Variants in AP5M1 observed in about 807,000 individuals in gnomAD.
AP5M1 encodes adaptor related protein complex 5 subunit mu 1.
A neutral mutation model predicts 52.3 loss-of-function variants in AP5M1; 44 were observed. That is an observed-to-expected ratio of 0.84 (90% CI 0.66 to 1.08). The LOEUF is 1.08. AP5M1 is among the 50% of genes least tolerant of loss of function. The pLI is 0.00. For missense variants in AP5M1, 526 were observed against 568.4 expected (o/e 0.93, Z 0.76); for synonymous variants, 213 against 199.0 (o/e 1.07, Z -0.59).
intron 6 of AP5M1, among the ~76,000 whole-genome samples, chr14:57,283,457 G>A (rs553915815): frequency 1.3e-5 from 2 of 152,124 alleles, no homozygotes; most frequent in South Asian, 2.1e-4. Context: ...GCATAGTGGC[G>A]GGATGTCTGT....
Position 57,280,334 on chromosome 14 carries a change from C to A in AP5M1, c.860C>A (p.Ala287Glu). 1.2e-6 allele frequency: 2 copies of A among 1,613,822 alleles called. No individual in the cohort carries two copies. The highest frequency in any genetic ancestry group is 4.5e-5 in the East Asian group (2 of 44,850). ...SAILTSSSID[A>E]MDDSAFSGPY... ...ATTCTGACTTCTAGTAGTATTGATG[C>A]AATGGATGACTCTGCATTTAGTGGG... The change falls in exon 3 of 8, where the codon GCA becomes GAA. Residue 287 changes from alanine to glutamate, a missense_variant. By Grantham distance (107) the Ala-to-Glu change is moderately radical. Around this residue, in one of 3 missense-constraint regions of AP5M1, gnomAD observed 425 missense variants for 430.6 expected, o/e 0.99. Transcript: ENST00000261558.
In AP5M1 at chr14:57,288,923, T is replaced by C. The variant is rs1484486787; in HGVS notation, c.*39T>C. On this transcript the variant is annotated 3_prime_UTR_variant, in exon 8 of 8. Coordinates refer to ENST00000261558, the MANE Select transcript of AP5M1 (RefSeq NM_018229.4). ...AAATGGGATTATATAATGATAACAG[T>C]TTAAAGAAAATCATAATCTTATATT... 1 of 1,215,294 alleles carries C rather than the reference T, an allele frequency of 8.2e-7. No individual in the cohort carries two copies. The highest frequency in any genetic ancestry group is 1.6e-5 in the African/African-American group (1 of 64,442). The allele number at this position is 1,215,294 out of a possible 1,614,324, so 75.3% of individuals were successfully genotyped here.
rs898145219 is a variant in AP5M1 at position 57,292,180 on chromosome 14, A to T, written c.*3296A>T. 2.6e-5 allele frequency: 4 copies of T among 151,912 alleles called. No individual in the cohort carries two copies. Among genetic ancestry groups the T allele is most frequent in the African/African-American group, 7.2e-5 (3 of 41,414 alleles). 9.4% of individuals were successfully genotyped at this position (151,912 alleles called of 1,614,324 possible). On this transcript the variant is annotated 3_prime_UTR_variant, in exon 8 of 8. Transcript: ENST00000261558. ...AAAGCTAAACATGGGATGAATTCTG[A>T]ACCTTTTAACCTGGCTGAAGTACGT...
At chr14:57,276,787 A>G (rs946057044) in intron 2 of AP5M1, among the ~76,000 whole-genome samples, 4 of 152,176 alleles carry the variant, frequency 2.6e-5, no homozygotes, top group African/African-American at 7.2e-5. Context: ...ATCATGATGG[A>G]CAACTTCCTT....
chr14:57,270,106 C>T (rs1359085722), intron 1 of AP5M1, among the ~76,000 whole-genome samples: 1 of 152,136 alleles, frequency 6.6e-6, no homozygotes, highest in African/African-American at 2.4e-5. Context: ...CGCGCCCCGC[C>T]CAGGCTTTTA....
chr14:57,275,764 T>C (rs1480032674), intron 2 of AP5M1, among the ~76,000 whole-genome samples: 1 of 152,220 alleles, frequency 6.6e-6, no homozygotes, highest in East Asian at 1.9e-4. Flanking sequence ...GTTAGGTTAA[T>C]ATTGGGTTCT....
In AP5M1 at chr14:57,297,205, T is replaced by C. The variant is rs1372830699; in HGVS notation, c.*8321T>C. The C allele has an allele frequency of 2.6e-5, 4 of 152,070 alleles. No individual in the cohort carries two copies. The allele number at this position is 152,070 out of a possible 1,614,324, so 9.4% of individuals were successfully genotyped here. A position where few individuals can be genotyped will look rare whatever the true frequency, so the allele number is the denominator to read the frequency against. On this transcript the variant is annotated 3_prime_UTR_variant, in exon 8 of 8. Transcript: ENST00000261558. ...AAAGTAATTACTATTATATTTGATTTGATATTTAATTTATTATACTGAAAT... is the reference window on the plus strand; with the variant it reads ...AAAGTAATTACTATTATATTTGATTCGATATTTAATTTATTATACTGAAAT...
At chr14:57,282,052 A>G (rs774721396) in intron 3 of AP5M1, 37 bp from the exon 4 acceptor site, 1 of 1,511,004 alleles carries the variant, frequency 6.6e-7, no homozygotes, top group Admixed American at 2.6e-5. Context: ...AGACTCATTA[A>G]CCTGAGAATT....
At chr14:57,279,500 G>A (rs555257983) in intron 2 of AP5M1, among the ~76,000 whole-genome samples, 2 of 152,118 alleles carry the variant, frequency 1.3e-5, no homozygotes, top group South Asian at 2.1e-4. Context: ...GGTCACAAGC[G>A]GGGAACAACA....
chr14:57,276,008 A>G (rs1370344497), intron 2 of AP5M1, among the ~76,000 whole-genome samples: 1 of 152,184 alleles, frequency 6.6e-6, no homozygotes, highest in Non-Finnish European at 1.5e-5. Flanking sequence ...ATTATAGAAT[A>G]AAACTAGAGT....
In AP5M1 at chr14:57,272,127, G is replaced by T. The variant is rs1594696503; in HGVS notation, c.75-2117G>T. On this transcript the variant is annotated intron_variant, in intron 1 of 7. Transcript: ENST00000261558. ...CAGAATGTTTTTTCACTGTGTTCAG[G>T]ATATTATTTCAGAATAAAAAGTCAG... Among the ~76,000 whole-genome samples, 3 of 152,212 alleles carry T rather than the reference G, an allele frequency of 2.0e-5. No homozygotes were observed. In the East Asian group the frequency reaches 5.8e-4, roughly 29 times the overall value.
chr14:57,286,072 C>T (rs1187919905), intron 6 of AP5M1, 151 bp from the exon 7 acceptor site: 12 of 592,950 alleles, frequency 2.0e-5, no homozygotes, highest in Middle Eastern at 4.6e-4. Context: ...TATATGTGTG[C>T]GCACACACAC....
chr14:57,293,684 A>C lies in AP5M1; in HGVS notation c.*4800A>C, dbSNP rs1381476333. Reference sequence around the variant, plus strand: ...AGTCATATTTAATCAATAAAACAGGATATATTTTGAAATTCACCATCACAG... The same window carrying C: ...AGTCATATTTAATCAATAAAACAGGCTATATTTTGAAATTCACCATCACAG... On this transcript the variant is annotated 3_prime_UTR_variant, in exon 8 of 8. Transcript: ENST00000261558. The C allele has an allele frequency of 6.6e-6, 1 of 151,636 alleles. No homozygotes were observed. Among genetic ancestry groups the C allele is most frequent in the African/African-American group, 2.4e-5 (1 of 41,344 alleles). 9.4% of individuals were successfully genotyped at this position (151,636 alleles called of 1,614,324 possible).
chr14:57,283,036 T>A lies in AP5M1; in HGVS notation c.1174+17T>A, dbSNP rs769902724. 8.2e-6 allele frequency: 13 copies of A among 1,579,234 alleles called. No homozygotes were observed. Among genetic ancestry groups the A allele is most frequent in the Non-Finnish European group, 1.1e-5 (13 of 1,159,742 alleles). ...GGATTATTGGTGAGCAAGTTTTATT[T>A]ATTGATTTTTTTTCTTTTCATTTAC... On this transcript the variant is annotated intron_variant, in intron 5 of 7. Coordinates refer to ENST00000261558, the MANE Select transcript of AP5M1 (RefSeq NM_018229.4).
rs753766525 is a variant in AP5M1 at position 57,274,528 on chromosome 14, C to T, written c.359C>T (p.Pro120Leu). The change falls in exon 2 of 8, where the codon CCG becomes CTG. Residue 120 changes from proline to leucine, a missense_variant. By Grantham distance (98) the Pro-to-Leu change is moderately conservative (BLOSUM62 -3). Transcript: ENST00000261558. ...GTTGAACAAACTCTGTCCCCTCGTC[C>T]GCCACTAATTAGTGTCAGTGGAGTT... Reference protein sequence around the residue: ...PLVEQTLSPRPPLISVSGVSQ... With the variant: ...PLVEQTLSPRLPLISVSGVSQ... The T allele has an allele frequency of 1.4e-5, 23 of 1,613,980 alleles. No homozygotes were observed. The highest frequency in any genetic ancestry group is 1.2e-4 in the South Asian group (11 of 91,084).
rs1039623331 is a variant in AP5M1 at position 57,290,421 on chromosome 14, C to T, written c.*1537C>T. ...TCATTCCCTATAAGTTATTTGATCTCTCTTAAACTCAAAGCTTAACATTTC... is the reference window on the plus strand; with the variant it reads ...TCATTCCCTATAAGTTATTTGATCTTTCTTAAACTCAAAGCTTAACATTTC... On this transcript the variant is annotated 3_prime_UTR_variant, in exon 8 of 8. Transcript: ENST00000261558. 31 of 152,032 alleles carry T rather than the reference C, an allele frequency of 2.0e-4. No homozygotes were observed. The highest frequency in any genetic ancestry group is 7.0e-4 in the African/African-American group (29 of 41,522). The allele number at this position is 152,032 out of a possible 1,614,324, so 9.4% of individuals were successfully genotyped here. A position where few individuals can be genotyped will look rare whatever the true frequency, so the allele number is the denominator to read the frequency against.
rs907437722 is a variant in AP5M1 at position 57,294,970 on chromosome 14, C to G, written c.*6086C>G. The G allele has an allele frequency of 6.6e-6, 1 of 151,850 alleles. No homozygotes were observed. The highest frequency in any genetic ancestry group is 2.4e-5 in the African/African-American group (1 of 41,390). 9.4% of individuals were successfully genotyped at this position (151,850 alleles called of 1,614,324 possible). On this transcript the variant is annotated 3_prime_UTR_variant, in exon 8 of 8. Coordinates refer to ENST00000261558, the MANE Select transcript of AP5M1 (RefSeq NM_018229.4). ...TTCTTATTTTTTAAAAAAGTGAGTACTCAACAGATAATACTTTGGTACTGC... is the reference window on the plus strand; with the variant it reads ...TTCTTATTTTTTAAAAAAGTGAGTAGTCAACAGATAATACTTTGGTACTGC...
rs369923186 is a variant in AP5M1 at position 57,274,052 on chromosome 14, T to A, written c.75-192T>A. On this transcript the variant is annotated intron_variant, in intron 1 of 7. Transcript: ENST00000261558. ...AGATTATATACCAGATATGAAACAG[T>A]CACTCTAATAGTAACTTAATGGTCA... Among the ~76,000 whole-genome samples the A allele has an allele frequency of 2.6e-5, 4 of 152,336 alleles. No individual in the cohort carries two copies. The East Asian group carries it at 7.7e-4, about 29-fold the overall frequency.
At position 57,269,093 on chromosome 14, in the gene AP5M1, T is replaced by C. The variant is rs1266663752; in HGVS notation, c.-222T>C. On this transcript the variant is annotated 5_prime_UTR_variant, in exon 1 of 8. Coordinates refer to ENST00000261558, the MANE Select transcript of AP5M1 (RefSeq NM_018229.4). ...AGGTAAATTTCTCAAGGTTATAGGT[T>C]GGGGTTCTTAGAACTTTTTGTGGTG... 1.7e-6 allele frequency: 1 copy of C among 580,858 alleles called. No individual in the cohort carries two copies. Among genetic ancestry groups the C allele is most frequent in the Non-Finnish European group, 3.0e-6 (1 of 329,788 alleles). 36.0% of individuals were successfully genotyped at this position (580,858 alleles called of 1,614,324 possible).
Sources: allele counts gnomAD v4.1 joint callset (sites outside exome capture counted in the v4.1 genomes callset), GRCh38; gene constraint gnomAD v4.1.1; regional missense constraint gnomAD v4.1.1; transcripts MANE v1.5; gene names NCBI Gene and HGNC (gene_info 2026-07-23, HGNC 2026-07-21).